The following DDX10 variants were observed in gnomAD, a reference collection of about 807,000 sequenced individuals.
The protein encoded by DDX10 is DEAD-box helicase 10, also known as probable ATP-dependent RNA helicase DDX10.
In DDX10, 74 loss-of-function variants were observed where a neutral mutation model predicts 104.3. That is an observed-to-expected ratio of 0.71 (90% CI 0.59 to 0.86). DDX10 has a LOEUF of 0.86. Among genes scored for constraint, DDX10 ranks in the 40% least tolerant of loss-of-function variants. The pLI is 0.00. For missense variants in DDX10, 952 were observed against 1,040.0 expected, an observed-to-expected ratio of 0.92 and a Z score of 1.16; for synonymous variants, 351 against 353.4, an observed-to-expected ratio of 0.99 and a Z score of 0.08.
chr11:108,681,909 A>G (rs2094235813), intron 6 of DDX10, among the ~76,000 whole-genome samples: 1 of 151,662 alleles, frequency 6.6e-6, no homozygotes, highest in Non-Finnish European at 1.5e-5. Context: ...TCTTTTTTGC[A>G]TGTATGTGCT....
chr11:108,759,795 G>A (rs2094348536), intron 13 of DDX10, among the ~76,000 whole-genome samples: 1 of 151,772 alleles, frequency 6.6e-6, no homozygotes. Flanking sequence ...GTAGGATGTG[G>A]CAGTAAGATT....
At chr11:108,675,362 CTT>C (rs1202408617) in intron 2 of DDX10, among the ~76,000 whole-genome samples, 2 of 152,138 alleles carry the variant, frequency 1.3e-5, no homozygotes, top group African/African-American at 4.8e-5. Context: ...CTTGGTGTCT[CTT>C]TGTTCAAGTT....
chr11:108,887,961 C>CGA (rs1863322865), intron 16 of DDX10, among the ~76,000 whole-genome samples: 1 of 150,274 alleles, frequency 6.7e-6, no homozygotes, highest in South Asian at 2.1e-4. Context: ...AGCTTTTTTC[C>CGA]CCCCCACTTT....
At chr11:108,676,740 A>C (rs1185732957) in intron 3 of DDX10, among the ~76,000 whole-genome samples, 2 of 152,198 alleles carry the variant, frequency 1.3e-5, no homozygotes, top group East Asian at 3.9e-4. Flanking sequence ...CACTGCGCCC[A>C]GCCAAAAGTT....
At chr11:108,817,142 T>C (rs1281785388) in intron 13 of DDX10, among the ~76,000 whole-genome samples, 4 of 152,236 alleles carry the variant, frequency 2.6e-5, no homozygotes, top group Non-Finnish European at 4.4e-5. Context: ...ATTTGCAGTT[T>C]CCAAGAACTT....
chr11:108,927,377 G>A (rs1415535421), intron 17 of DDX10, among the ~76,000 whole-genome samples: 1 of 152,170 alleles, frequency 6.6e-6, no homozygotes, highest in South Asian at 2.1e-4. Flanking sequence ...TCTGAAATGA[G>A]GCATATGCCA....
At chr11:108,892,555 T>TAACC (rs1246076296) in intron 16 of DDX10, among the ~76,000 whole-genome samples, 1 of 152,208 alleles carries the variant, frequency 6.6e-6, no homozygotes, top group Non-Finnish European at 1.5e-5. Context: ...CCTGTAGTAA[T>TAACC]GCCCGTGCAA....
intron 13 of DDX10, among the ~76,000 whole-genome samples, chr11:108,766,295 G>A (rs913577429): frequency 1.3e-5 from 2 of 152,122 alleles, no homozygotes; most frequent in African/African-American, 4.8e-5. Context: ...CGTATTCCCA[G>A]TTCTTCCTTT....
chr11:108,678,097 A>G (rs1042876377), intron 4 of DDX10, among the ~76,000 whole-genome samples: 8 of 152,164 alleles, frequency 5.3e-5, no homozygotes, highest in African/African-American at 1.9e-4. Context: ...TATGAATAAG[A>G]ATTTAGAACT....
At chr11:108,841,293 C>G (rs1191404814) in intron 14 of DDX10, 22 bp from the exon 15 acceptor site, 4 of 1,607,576 alleles carry the variant, frequency 2.5e-6, no homozygotes, top group Non-Finnish European at 2.5e-6. Context: ...CCTGTTGACA[C>G]TGACCTTTTT....
At chr11:108,690,942 A>T (rs1279702113) in intron 7 of DDX10, 3 of 152,566 alleles carry the variant, frequency 2.0e-5, no homozygotes, top group Non-Finnish European at 4.4e-5. Context: ...CCGCTGCACC[A>T]GCATCATCTG....
chr11:108,787,173 A>C (rs116012146), intron 13 of DDX10, among the ~76,000 whole-genome samples: 1,778 of 152,256 alleles, frequency 0.012, 37 homozygotes, highest in African/African-American at 0.041. Context: ...ATAGACCTCC[A>C]ATCTCTTCTG....
chr11:108,684,858 A>C (rs895108118), intron 6 of DDX10, among the ~76,000 whole-genome samples: 2 of 146,506 alleles, frequency 1.4e-5, no homozygotes, highest in Admixed American at 1.4e-4. Context: ...CCTCTCCAGC[A>C]CCTGTTGTTT....
intron 16 of DDX10, among the ~76,000 whole-genome samples, chr11:108,854,120 A>C (rs993582413): frequency 7.2e-5 from 11 of 152,236 alleles, no homozygotes; most frequent in African/African-American, 2.7e-4. Context: ...TGACAGGTTC[A>C]GGCTGACTGA....
At chr11:108,766,358 A>G (rs2094356369) in intron 13 of DDX10, among the ~76,000 whole-genome samples, 1 of 152,210 alleles carries the variant, frequency 6.6e-6, no homozygotes, top group Non-Finnish European at 1.5e-5. Context: ...CATGAGAATA[A>G]GGTAGCGCAG....
intron 13 of DDX10, among the ~76,000 whole-genome samples, chr11:108,801,973 G>C (rs965105215): frequency 6.6e-6 from 1 of 151,152 alleles, no homozygotes; most frequent in Non-Finnish European, 1.5e-5. Context: ...TTAAAAAAGT[G>C]GGGGGAGGGA....
intron 12 of DDX10, 63 bp from the exon 13 acceptor site, chr11:108,722,934 A>G (rs939458371): frequency 6.7e-6 from 10 of 1,500,298 alleles, no homozygotes; most frequent in African/African-American, 2.8e-5. Context: ...AAACTCTTCT[A>G]TGACACCTAT....
intron 16 of DDX10, among the ~76,000 whole-genome samples, chr11:108,905,618 A>G (rs1863586249): frequency 6.6e-6 from 1 of 152,048 alleles, no homozygotes; most frequent in Non-Finnish European, 1.5e-5. Flanking sequence ...TTTTGTAGCG[A>G]TGTGTGCCTT....
At position 108,682,370 on chromosome 11, in the gene DDX10, G is replaced by A. The variant is rs1291181024; in HGVS notation, c.848+2810G>A. ...TCCACCCGCCTCGGCCTCCCACAGT[G>A]CTGGGATTACAGGCCTGAGCCATTG... On this transcript the variant is annotated intron_variant, in intron 6 of 17. Coordinates refer to ENST00000322536, the MANE Select transcript of DDX10 (RefSeq NM_004398.4). 2.6e-5 allele frequency among the ~76,000 whole-genome samples: 4 copies of A among 152,168 alleles called. No homozygotes were observed. The East Asian group carries it at 7.7e-4, about 29-fold the overall frequency.
Sources: gnomAD v4.1 joint callset for allele counts (sites outside exome capture counted in the v4.1 genomes callset) on GRCh38, gnomAD v4.1.1 for gene constraint, MANE v1.5 for transcripts, NCBI Gene and HGNC (gene_info 2026-07-23, HGNC 2026-07-21) for gene names.